The following POLR3B variants were observed in gnomAD, a reference collection of about 807,000 sequenced individuals.
POLR3B encodes the protein DNA-directed RNA polymerase III subunit RPC2.
In POLR3B, 96 loss-of-function variants were observed where a neutral mutation model predicts 147.4. The ratio of observed to expected loss-of-function variants is 0.65; its 90% CI spans 0.55 to 0.77. The LOEUF (loss-of-function observed/expected upper bound fraction) is 0.77. Ranked by LOEUF, POLR3B falls within the 30% of genes least tolerant of loss-of-function variation. The probability of loss-of-function intolerance (pLI) is 0.00; values close to 1 mark genes in which losing one functional copy is unlikely to be tolerated. For synonymous variants in POLR3B, 461 were observed against 485.9 expected (o/e 0.95, Z 0.67); for missense variants, 1,036 against 1,413.5 (o/e 0.73, Z 4.28).
intron 13 of POLR3B, among the ~76,000 whole-genome samples, chr12:106,428,109 T>A (rs1386812619): frequency 6.6e-6 from 1 of 152,170 alleles, no homozygotes; most frequent in Non-Finnish European, 1.5e-5. Context: ...CAGTGACAGC[T>A]ACATCTAAAT....
intron 2 of POLR3B, among the ~76,000 whole-genome samples, chr12:106,365,556 G>T (rs2036523091): frequency 6.6e-6 from 1 of 152,084 alleles, no homozygotes; most frequent in Admixed American, 6.5e-5. Flanking sequence ...CACATAAATG[G>T]AGAAGAAGGT....
At chr12:106,413,951 A>G (rs2136940412) in intron 12 of POLR3B, among the ~76,000 whole-genome samples, 1 of 152,134 alleles carries the variant, frequency 6.6e-6, no homozygotes, top group East Asian at 1.9e-4. Context: ...TTTTATGATG[A>G]AAATTCTGAA....
chr12:106,383,223 G>C (rs2036789076), intron 9 of POLR3B, among the ~76,000 whole-genome samples: 1 of 152,132 alleles, frequency 6.6e-6, no homozygotes, highest in South Asian at 2.1e-4. Flanking sequence ...GTTGTGGCTG[G>C]TTTGCTCTTC....
chr12:106,499,814 A>G (rs2038566905), intron 25 of POLR3B, among the ~76,000 whole-genome samples: 1 of 152,200 alleles, frequency 6.6e-6, no homozygotes, highest in South Asian at 2.1e-4. Flanking sequence ...TCTTCCAAGA[A>G]CCAGGTTGTG....
chr12:106,365,873 A>AAAT (rs542864518), intron 2 of POLR3B, among the ~76,000 whole-genome samples: 2 of 131,476 alleles, frequency 1.5e-5, no homozygotes, highest in South Asian at 2.3e-4. Flanking sequence ...AAAAAAAAAA[A>AAAT]TTTTTTTTTT....
At chr12:106,471,517 G>A (rs1487420053) in intron 23 of POLR3B, among the ~76,000 whole-genome samples, 1 of 151,952 alleles carries the variant, frequency 6.6e-6, no homozygotes, top group Non-Finnish European at 1.5e-5. Context: ...TACCTCAGTT[G>A]GAAATGCAGA....
chr12:106,432,828 A>C (rs1208259559), intron 15 of POLR3B, among the ~76,000 whole-genome samples: 1 of 151,958 alleles, frequency 6.6e-6, no homozygotes, highest in Non-Finnish European at 1.5e-5. Context: ...TATCAGATCA[A>C]CTCTTATAAT....
chr12:106,406,339 G>T (rs546295916), intron 11 of POLR3B, among the ~76,000 whole-genome samples: 1 of 152,028 alleles, frequency 6.6e-6, no homozygotes, highest in African/African-American at 2.4e-5. Flanking sequence ...TGCCTTGCCC[G>T]TACATATTTT....
intron 23 of POLR3B, among the ~76,000 whole-genome samples, chr12:106,469,578 C>T (rs1269064909): frequency 1.4e-4 from 21 of 151,704 alleles, no homozygotes; most frequent in African/African-American, 4.1e-4. Flanking sequence ...GTTTTTGCAG[C>T]GGCTGGTACC....
At chr12:106,416,916 CCCCTCCCTCATATCCCTTTCA>C (rs907240250) in intron 12 of POLR3B, among the ~76,000 whole-genome samples, 7 of 152,060 alleles carry the variant, frequency 4.6e-5, no homozygotes, top group Non-Finnish European at 7.4e-5. Flanking sequence ...ACCGAAGCTG[CCCCTCCCTCATATCCCTTTCA>C]CCCTCTCTCT....
intron 27 of POLR3B, among the ~76,000 whole-genome samples, chr12:106,508,664 A>G (rs1461261130): frequency 6.6e-6 from 1 of 152,264 alleles, no homozygotes; most frequent in Non-Finnish European, 1.5e-5. Flanking sequence ...TCCGGAAAGA[A>G]GAGAAATTAA....
At chr12:106,479,809 C>CTTTTA (rs2038240787) in intron 23 of POLR3B, among the ~76,000 whole-genome samples, 1 of 144,874 alleles carries the variant, frequency 6.9e-6, no homozygotes, top group Non-Finnish European at 1.5e-5. Flanking sequence ...CTTTTCTTTT[C>CTTTTA]TTTTCTTTTC....
chr12:106,437,064 A>C lies in POLR3B; in HGVS notation c.1789A>C (p.Ile597Leu). ...TTGCTGTTTCCATTCTAGACCCTAC[A>C]TAATTGTCAAGAAACAGAAGCCAGC... Reference protein sequence around the residue: ...SDGGRLCRPYIIVKKQKPAVT... With the variant: ...SDGGRLCRPYLIVKKQKPAVT... The change falls in exon 17 of 28, where the codon ATA becomes CTA. Residue 597 changes from isoleucine (I) to leucine (L), a missense_variant. Ile to Leu is a conservative substitution (Grantham distance 5, BLOSUM62 2). Coordinates refer to ENST00000228347, the MANE Select transcript of POLR3B (RefSeq NM_018082.6). The C allele has an allele frequency of 6.2e-7, 1 of 1,612,920 alleles. No homozygotes were observed. The highest frequency in any genetic ancestry group is 8.5e-7 in the Non-Finnish European group (1 of 1,179,272).
Position 106,430,394 on chromosome 12 carries a change from C to T in POLR3B, c.1385C>T (p.Thr462Met). The stretch of plus-strand genomic sequence containing the variant: ...AGAATCTCTTCCCAGTTTGAAAAAA[C>T]GAGAAAAGTGAGTGGTCCTCGCTCC... ...MTRISSQFEK[T>M]RKVSGPRSLQ... Residue 462 changes from threonine to methionine, a missense_variant, in exon 14 of 28, where the codon ACG becomes ATG. Thr to Met is a moderately conservative substitution (Grantham distance 81). Transcript: ENST00000228347. 4 of 1,613,882 alleles carry T rather than the reference C, an allele frequency of 2.5e-6. No homozygotes were observed. The highest frequency in any genetic ancestry group is 3.4e-6 in the Non-Finnish European group (4 of 1,179,912).
chr12:106,423,342 T>G (rs2037396015), intron 12 of POLR3B, among the ~76,000 whole-genome samples: 1 of 152,190 alleles, frequency 6.6e-6, no homozygotes, highest in South Asian at 2.1e-4. Flanking sequence ...TTTCACACCT[T>G]TTCACACATT....
chr12:106,455,885 ACCTTC>A (rs2037858354), intron 20 of POLR3B, among the ~76,000 whole-genome samples: 1 of 152,158 alleles, frequency 6.6e-6, no homozygotes, highest in South Asian at 2.1e-4. Flanking sequence ...TCTCACAGTC[ACCTTC>A]ATATTTAAAA....
At chr12:106,477,900 T>C (rs1166106069) in intron 23 of POLR3B, among the ~76,000 whole-genome samples, 2 of 116,768 alleles carry the variant, frequency 1.7e-5, no homozygotes, top group African/African-American at 6.5e-5. Context: ...CCTTTTTTTT[T>C]TTTTTTTTTT....
At chr12:106,421,739 G>A (rs1593031961) in intron 12 of POLR3B, among the ~76,000 whole-genome samples, 1 of 151,426 alleles carries the variant, frequency 6.6e-6, no homozygotes, top group Admixed American at 6.6e-5. Context: ...TGGCTCTATC[G>A]CCCAGGCTGG....
chr12:106,492,749 C>T (rs551482921), intron 23 of POLR3B, among the ~76,000 whole-genome samples: 7 of 152,288 alleles, frequency 4.6e-5, no homozygotes, highest in East Asian at 1.9e-4. Flanking sequence ...CTGAGTGGAT[C>T]GGCAGTCAGA....
Sources: gnomAD v4.1 joint callset for allele counts (sites outside exome capture counted in the v4.1 genomes callset) on GRCh38, gnomAD v4.1.1 for gene constraint, MANE v1.5 for transcripts, NCBI Gene and HGNC (gene_info 2026-07-23, HGNC 2026-07-21) for gene names.